Variants in UST observed in about 807,000 individuals in gnomAD.
UST encodes uronyl 2-sulfotransferase.
UST carries 21 observed loss-of-function variants against 45.6 expected under a neutral mutation model. The ratio of observed to expected loss-of-function variants is 0.46; its 90% CI spans 0.33 to 0.66. UST has a LOEUF of 0.66. Among genes scored for constraint, UST ranks in the 30% least tolerant of loss-of-function variants. The pLI, the probability that UST is intolerant of heterozygous loss-of-function variation, is 0.02. For synonymous variants in UST, 215 were observed against 200.6 expected (o/e 1.07, Z -0.61); for missense variants, 463 against 512.4 (o/e 0.90, Z 0.93).
chr6:149,010,908 A>AC (rs1562328788), intron 5 of UST, among the ~76,000 whole-genome samples: 3 of 104,674 alleles, frequency 2.9e-5, no homozygotes, highest in African/African-American at 3.1e-5. Flanking sequence ...AAAAAAAAAA[A>AC]AAAAAAAAAA....
At chr6:149,032,759 G>T (rs549428611) in intron 7 of UST, among the ~76,000 whole-genome samples, 2 of 152,264 alleles carry the variant, frequency 1.3e-5, no homozygotes, top group African/African-American at 4.8e-5. Context: ...GTCTACCCCA[G>T]TTACTCAGTG....
At chr6:148,965,876 CT>C (rs56202168) in intron 5 of UST, among the ~76,000 whole-genome samples, 9,874 of 126,030 alleles carry the variant, frequency 0.078, 249 homozygotes, top group Middle Eastern at 0.13. Flanking sequence ...TGGCTTTTCC[CT>C]TTTTTTTTTT....
At chr6:148,876,631 A>G (rs1273449198) in intron 1 of UST, among the ~76,000 whole-genome samples, 1 of 152,074 alleles carries the variant, frequency 6.6e-6, no homozygotes, top group African/African-American at 2.4e-5. Flanking sequence ...GCTCCTTTTC[A>G]CCATCCCTCT....
chr6:149,042,082 TA>T (rs1414905894), intron 7 of UST, among the ~76,000 whole-genome samples: 1 of 152,250 alleles, frequency 6.6e-6, no homozygotes, highest in Middle Eastern at 3.2e-3. Flanking sequence ...ATAAACATTT[TA>T]TGTGGGCTAC....
chr6:149,065,088 A>G (rs1003990051), intron 7 of UST, among the ~76,000 whole-genome samples: 8 of 152,224 alleles, frequency 5.3e-5, no homozygotes, highest in African/African-American at 1.4e-4. Flanking sequence ...GAGAACGCTC[A>G]TGGAGTGAGG....
chr6:148,861,026 G>A (rs1407289506), intron 1 of UST, among the ~76,000 whole-genome samples: 3 of 152,186 alleles, frequency 2.0e-5, no homozygotes, highest in Non-Finnish European at 4.4e-5. Flanking sequence ...GAGTTAGGGA[G>A]GATTCCCTCT....
At chr6:148,940,295 T>C (rs1263733986) in intron 2 of UST, among the ~76,000 whole-genome samples, 1 of 151,368 alleles carries the variant, frequency 6.6e-6, no homozygotes, top group Non-Finnish European at 1.5e-5. Flanking sequence ...GAGACCAGCT[T>C]GGGCAACATG....
intron 5 of UST, among the ~76,000 whole-genome samples, chr6:148,969,871 C>T (rs993992024): frequency 1.3e-5 from 2 of 152,164 alleles, no homozygotes; most frequent in East Asian, 3.9e-4. Context: ...GTGTTTTGAT[C>T]CCAGCCCGCT....
chr6:148,920,006 A>G (rs997505883), intron 2 of UST, among the ~76,000 whole-genome samples: 6 of 152,234 alleles, frequency 3.9e-5, no homozygotes, highest in Admixed American at 2.0e-4. Context: ...AAATCATAAG[A>G]GGTTCAGAGA....
At chr6:148,815,047 T>TA (rs1777329848) in intron 1 of UST, among the ~76,000 whole-genome samples, 1 of 152,250 alleles carries the variant, frequency 6.6e-6, no homozygotes, top group East Asian at 1.9e-4. Flanking sequence ...AGACACTTAT[T>TA]AAAAAAACCG....
intron 1 of UST, among the ~76,000 whole-genome samples, chr6:148,837,817 C>G (rs545619308): frequency 2.6e-5 from 4 of 152,092 alleles, no homozygotes; most frequent in Non-Finnish European, 5.9e-5. Context: ...ATCCTCCCAC[C>G]TCAGTCCCCC....
intron 7 of UST, among the ~76,000 whole-genome samples, chr6:149,022,718 C>T (rs1775997492): frequency 1.3e-5 from 2 of 152,186 alleles, no homozygotes; most frequent in African/African-American, 4.8e-5. Context: ...GGTCCCAAGG[C>T]CCAGGGAAAC....
chr6:148,911,481 T>A (rs1263524697), intron 2 of UST, among the ~76,000 whole-genome samples: 1 of 152,198 alleles, frequency 6.6e-6, no homozygotes, highest in Non-Finnish European at 1.5e-5. Context: ...GGAACCTTTG[T>A]CTCCTTTTGG....
At chr6:148,886,864 C>T in intron 1 of UST, 122 bp from the exon 2 acceptor site, 3 of 806,750 alleles carry the variant, frequency 3.7e-6, no homozygotes, top group African/African-American at 1.7e-5. Context: ...CCCCATTTTT[C>T]TTTGGTACTG....
rs541221179 is a variant in UST at position 148,912,318 on chromosome 6, T to C, written c.291+25289T>C. ...ATACCTCAGTGAAAGTTTCAATCCA[T>C]GAGTTGTTTCTTTTCATCTCAAGGC... is the stretch of plus-strand genomic sequence containing the variant. On this transcript the variant is annotated intron_variant, in intron 2 of 7. Transcript: ENST00000367463. 3.3e-5 allele frequency among the ~76,000 whole-genome samples: 5 copies of C among 152,378 alleles called. No homozygotes were observed. In the South Asian group the frequency reaches 1.0e-3, roughly 32 times the overall value.
At chr6:148,995,927 A>C (rs1781445225) in intron 5 of UST, among the ~76,000 whole-genome samples, 1 of 152,154 alleles carries the variant, frequency 6.6e-6, no homozygotes, top group African/African-American at 2.4e-5. Context: ...CCTGGCAGGC[A>C]CCTGTGGGCA....
chr6:148,952,393 G>A (rs1780383233), intron 3 of UST, among the ~76,000 whole-genome samples: 1 of 152,176 alleles, frequency 6.6e-6, no homozygotes, highest in Non-Finnish European at 1.5e-5. Flanking sequence ...ACTCATACCT[G>A]CCACTGACTA....
At chr6:149,029,468 T>TATA (rs1562333886) in intron 7 of UST, among the ~76,000 whole-genome samples, 67 of 143,852 alleles carry the variant, frequency 4.7e-4, no homozygotes, top group African/African-American at 1.6e-3. Context: ...TTATATATTA[T>TATA]ATATATAATG....
intron 5 of UST, among the ~76,000 whole-genome samples, chr6:149,003,969 C>T (rs1484445026): frequency 6.6e-6 from 1 of 152,174 alleles, no homozygotes; most frequent in African/African-American, 2.4e-5. Context: ...CTGGAAATGC[C>T]TGATAATGAC....
Sources: allele counts gnomAD v4.1 joint callset (sites outside exome capture counted in the v4.1 genomes callset), GRCh38; gene constraint gnomAD v4.1.1; transcripts MANE v1.5; gene names NCBI Gene and HGNC (gene_info 2026-07-23, HGNC 2026-07-21).